The following DCDC2 variants were observed in gnomAD, a reference collection of about 807,000 sequenced individuals.
The protein encoded by DCDC2 is doublecortin domain containing 2.
Under a neutral mutation model 50.2 loss-of-function variants are expected in DCDC2, and 40 were observed. That is an observed-to-expected ratio of 0.80 (90% confidence interval 0.62 to 1.04). DCDC2 has a LOEUF of 1.04. Among genes scored for constraint, DCDC2 ranks in the 50% least tolerant of loss-of-function variants. The probability of loss-of-function intolerance (pLI) is 0.00; values close to 1 mark genes in which losing one functional copy is unlikely to be tolerated. For synonymous variants in DCDC2, 234 were observed against 210.6 expected (o/e 1.11, Z -0.96); for missense variants, 570 against 581.9 (o/e 0.98, Z 0.21).
At chr6:24,206,666 C>T (rs1292489000) in intron 7 of DCDC2, among the ~76,000 whole-genome samples, 7 of 152,102 alleles carry the variant, frequency 4.6e-5, no homozygotes, top group East Asian at 1.9e-4. Context: ...AGCGGAGCTA[C>T]GAATGGTTTG....
At chr6:24,250,431 G>A (rs547501948) in intron 7 of DCDC2, among the ~76,000 whole-genome samples, 7 of 152,218 alleles carry the variant, frequency 4.6e-5, no homozygotes, top group African/African-American at 1.7e-4. Flanking sequence ...TAAACGACAA[G>A]GATCCTACAG....
intron 8 of DCDC2, among the ~76,000 whole-genome samples, chr6:24,179,883 G>C (rs1414918887): frequency 7.0e-6 from 1 of 141,870 alleles, no homozygotes; most frequent in African/African-American, 2.5e-5. Context: ...GAACCCGGGA[G>C]GCAGAGCTTG....
At chr6:24,263,320 C>T (rs775774482) in intron 7 of DCDC2, among the ~76,000 whole-genome samples, 1 of 152,176 alleles carries the variant, frequency 6.6e-6, no homozygotes, top group Non-Finnish European at 1.5e-5. Flanking sequence ...TCTAACCGTT[C>T]AATGCTCGGA....
rs202088369 is a variant in DCDC2 at position 24,285,200 on chromosome 6, G to A, written c.759+3652C>T. On this transcript the variant is annotated intron_variant, in intron 6 of 9. Coordinates refer to ENST00000378454, the MANE Select transcript of DCDC2 (RefSeq NM_016356.5). ...ATGACGGATGGAGTGGATGAATACAGGGTGCTACGGGAACACTGTGGAAAG... is the reference window on the plus strand; with the variant it reads ...ATGACGGATGGAGTGGATGAATACAAGGTGCTACGGGAACACTGTGGAAAG... Among the ~76,000 whole-genome samples the A allele has an allele frequency of 5.9e-5, 9 of 152,290 alleles. 1 individual carries two copies. In the South Asian group the frequency reaches 1.2e-3, roughly 21 times the overall value.
At chr6:24,246,024 G>A (rs1378441134) in intron 7 of DCDC2, among the ~76,000 whole-genome samples, 2 of 151,772 alleles carry the variant, frequency 1.3e-5, no homozygotes, top group Non-Finnish European at 2.9e-5. Context: ...ATTTTTTTGA[G>A]ACAGAGCCTC....
At chr6:24,315,107 A>G (rs1381593647) in intron 2 of DCDC2, among the ~76,000 whole-genome samples, 1 of 151,868 alleles carries the variant, frequency 6.6e-6, no homozygotes, top group East Asian at 1.9e-4. Flanking sequence ...AGTGGAATAC[A>G]CTTTGATTTC....
intron 7 of DCDC2, among the ~76,000 whole-genome samples, chr6:24,207,506 C>A (rs1761747116): frequency 6.6e-6 from 1 of 151,996 alleles, no homozygotes; most frequent in Non-Finnish European, 1.5e-5. Context: ...TGAATAGATA[C>A]TATTCATCTG....
intron 9 of DCDC2, among the ~76,000 whole-genome samples, chr6:24,175,306 T>C (rs990745052): frequency 4.6e-5 from 7 of 152,192 alleles, no homozygotes; most frequent in Non-Finnish European, 7.3e-5. Flanking sequence ...AAAATCAAAA[T>C]GTGGAGGCAG....
chr6:24,318,779 A>ATGTGTGTGTGTGTGTG (rs1759717852), intron 2 of DCDC2, among the ~76,000 whole-genome samples: 1 of 97,758 alleles, frequency 1.0e-5, no homozygotes, highest in Non-Finnish European at 2.0e-5. Context: ...TTATATACGT[A>ATGTGTGTGTGTGTGTG]CGTGTGTGTG....
At chr6:24,360,399 T>C (rs931798517), upstream of DCDC2, among the ~76,000 whole-genome samples, 3 of 152,124 alleles carry the variant, frequency 2.0e-5, no homozygotes, top group African/African-American at 7.2e-5. Flanking sequence ...ACCTACAAAA[T>C]TTTGAGTGCC....
chr6:24,285,298 A>G (rs1763575956), intron 6 of DCDC2, among the ~76,000 whole-genome samples: 1 of 152,174 alleles, frequency 6.6e-6, no homozygotes, highest in Non-Finnish European at 1.5e-5. Flanking sequence ...TTTGCTTTCT[A>G]TGGGATGCAA....
rs138616326 is a variant in DCDC2, at chr6:24,186,190, C to T, written c.1024-7558G>A. Among the ~76,000 whole-genome samples, 571 of 152,266 alleles carry T rather than the reference C, an allele frequency of 3.8e-3. 5 individuals are homozygous for T. The highest frequency in any genetic ancestry group is 0.013 in the African/African-American group (523 of 41,536). ...GATAATTTCCATAAATTAGTATACG[C>T]GCTTAAGCAACAAATGACTCTATCT... On this transcript the variant is annotated intron_variant, in intron 8 of 9. Transcript: ENST00000378454.
chr6:24,286,592 CA>C (rs542275916), intron 6 of DCDC2, among the ~76,000 whole-genome samples: 287 of 121,742 alleles, frequency 2.4e-3, no homozygotes, highest in Middle Eastern at 4.1e-3. Flanking sequence ...GACCCTGTCT[CA>C]AAAAAAAAAA....
chr6:24,284,742 C>T (rs1266065063), intron 6 of DCDC2, among the ~76,000 whole-genome samples: 1 of 152,086 alleles, frequency 6.6e-6, no homozygotes, highest in African/African-American at 2.4e-5. Flanking sequence ...CTGCCTGCCT[C>T]TCCGATTTCA....
Position 24,182,150 on chromosome 6 carries a change from C to CA in DCDC2, c.1024-3519dup, listed in dbSNP as rs542643153. Among the ~76,000 whole-genome samples the CA allele has an allele frequency of 8.1e-4, 123 of 152,188 alleles. 1 individual carries two copies. The South Asian group carries it at 0.014, about 17-fold the overall frequency. The stretch of plus-strand genomic sequence containing the variant: ...GTTGTATCCTTACCTAACATATGTA[C>CA]AAAAAATAGCTTCAAATGAATGAAA... On this transcript the variant is annotated intron_variant, in intron 8 of 9. Transcript: ENST00000378454.
chr6:24,286,677 G>A (rs189127485), intron 6 of DCDC2, among the ~76,000 whole-genome samples: 2 of 151,594 alleles, frequency 1.3e-5, no homozygotes, highest in Admixed American at 1.3e-4. Flanking sequence ...ACAACTGCTT[G>A]CAGCACACTT....
At chr6:24,202,888 G>T (rs1178569598) in intron 8 of DCDC2, among the ~76,000 whole-genome samples, 1 of 152,098 alleles carries the variant, frequency 6.6e-6, no homozygotes. Context: ...ATTCACAATT[G>T]CTACAAAGAG....
At chr6:24,192,323 TGAA>T (rs1761332441) in intron 8 of DCDC2, among the ~76,000 whole-genome samples, 1 of 152,112 alleles carries the variant, frequency 6.6e-6, no homozygotes, top group Admixed American at 6.6e-5. Context: ...TTACAGATAC[TGAA>T]ACTTGGAGGA....
At chr6:24,332,817 T>A (rs1306565361) in intron 2 of DCDC2, among the ~76,000 whole-genome samples, 1 of 152,140 alleles carries the variant, frequency 6.6e-6, no homozygotes, top group Non-Finnish European at 1.5e-5. Flanking sequence ...ACACACATAT[T>A]TCTGTGCACA....
Sources: allele counts gnomAD v4.1 joint callset (sites outside exome capture counted in the v4.1 genomes callset), GRCh38; gene constraint gnomAD v4.1.1; transcripts MANE v1.5; gene names NCBI Gene and HGNC (gene_info 2026-07-23, HGNC 2026-07-21).